Variants in UTRN observed in about 807,000 individuals in gnomAD.
UTRN encodes the protein utrophin, also known as dystrophin-related protein 1.
In UTRN, 283 loss-of-function variants were observed where a neutral mutation model predicts 463.9. The ratio of observed to expected loss-of-function variants is 0.61; its 90% CI spans 0.55 to 0.67. The LOEUF (loss-of-function observed/expected upper bound fraction) is 0.67. Among genes scored for constraint, UTRN ranks in the 30% least tolerant of loss-of-function variants. The pLI is 0.00. For synonymous variants in UTRN, 1,442 were observed against 1,431.5 expected (o/e 1.01, Z -0.17); for missense variants, 3,922 against 4,084.3 (o/e 0.96, Z 1.08).
chr6:144,499,650 A>T (rs1793996085), intron 34 of UTRN, among the ~76,000 whole-genome samples: 1 of 152,080 alleles, frequency 6.6e-6, no homozygotes. Flanking sequence ...GGGTACACAT[A>T]TAGGTTTGTT....
intron 51 of UTRN, among the ~76,000 whole-genome samples, chr6:144,644,327 A>C (rs574099178): frequency 6.6e-6 from 1 of 152,342 alleles, no homozygotes; most frequent in Admixed American, 6.5e-5. Flanking sequence ...AGAGCTTCAT[A>C]CATAGGTTCA....
Position 144,471,439 on chromosome 6 carries a change from G to A in UTRN, c.3067-2281G>A, listed in dbSNP as rs547166436. On this transcript the variant is annotated intron_variant, in intron 23 of 74. Coordinates refer to ENST00000367545, the MANE Select transcript of UTRN (RefSeq NM_007124.3). ...AATTTCCCAGTTATACAGCAGTAAT[G>A]CATTCTTTAAAAGTGCAGAATGGAG... Among the ~76,000 whole-genome samples the A allele has an allele frequency of 3.9e-5, 6 of 152,354 alleles. No individual in the cohort carries two copies. The South Asian group carries it at 1.2e-3, about 32-fold the overall frequency.
chr6:144,316,794 T>C (rs1300764043), intron 2 of UTRN, among the ~76,000 whole-genome samples: 1 of 152,246 alleles, frequency 6.6e-6, no homozygotes, highest in African/African-American at 2.4e-5. Flanking sequence ...CAGTGTTTCA[T>C]AGATGAGGAT....
chr6:144,480,001 G>A lies in UTRN; in HGVS notation c.3507+19G>A, dbSNP rs1275020081. The stretch of plus-strand genomic sequence containing the variant: ...GATGAAGGTGAGGCGGGGACGACCA[G>A]TGCCAACAGGCTTCATGCCTCCCTC... On this transcript the variant is annotated intron_variant, in intron 26 of 74. Coordinates refer to ENST00000367545, the MANE Select transcript of UTRN (RefSeq NM_007124.3). The A allele has an allele frequency of 3.1e-6, 5 of 1,608,648 alleles. No individual in the cohort carries two copies. The highest frequency in any genetic ancestry group is 1.3e-5 in the African/African-American group (1 of 74,716).
intron 46 of UTRN, 55 bp from the exon 47 acceptor site, chr6:144,548,585 C>A: frequency 6.5e-7 from 1 of 1,537,894 alleles, no homozygotes; most frequent in Non-Finnish European, 8.9e-7. Flanking sequence ...ATGACACCAC[C>A]ATAATTAAAA....
chr6:144,801,590 A>T (rs1777704069), intron 64 of UTRN, among the ~76,000 whole-genome samples: 1 of 152,152 alleles, frequency 6.6e-6, no homozygotes, highest in Admixed American at 6.5e-5. Context: ...TTTTTCACTA[A>T]TTACTTCCAA....
intron 2 of UTRN, among the ~76,000 whole-genome samples, chr6:144,310,180 T>G (rs953031521): frequency 4.6e-5 from 7 of 152,250 alleles, no homozygotes; most frequent in African/African-American, 1.7e-4. Flanking sequence ...GCAAATCACA[T>G]TTTTCATTGC....
intron 51 of UTRN, among the ~76,000 whole-genome samples, chr6:144,629,727 C>T (rs1407150713): frequency 2.6e-5 from 4 of 152,340 alleles, no homozygotes; most frequent in South Asian, 4.1e-4. Context: ...TGAGCTGAAA[C>T]TTTGCTTCTG....
At chr6:144,369,432 C>T (rs140233473) in intron 2 of UTRN, among the ~76,000 whole-genome samples, 1 of 152,300 alleles carries the variant, frequency 6.6e-6, no homozygotes, top group African/African-American at 2.4e-5. Context: ...TCCTGGCCAA[C>T]ATGGTAAAAC....
At chr6:144,638,883 A>C (rs1039701864) in intron 51 of UTRN, among the ~76,000 whole-genome samples, 1 of 151,904 alleles carries the variant, frequency 6.6e-6, no homozygotes, top group African/African-American at 2.4e-5. Context: ...GACCAGCATG[A>C]GCAACATAAC....
At chr6:144,714,529 T>G (rs1267200014) in intron 53 of UTRN, among the ~76,000 whole-genome samples, 1 of 152,242 alleles carries the variant, frequency 6.6e-6, no homozygotes, top group Admixed American at 6.5e-5. Flanking sequence ...ACAAGGTTTC[T>G]GCACTTGGCT....
intron 51 of UTRN, among the ~76,000 whole-genome samples, chr6:144,617,646 C>T (rs1014725426): frequency 1.3e-5 from 2 of 152,082 alleles, no homozygotes; most frequent in Admixed American, 1.3e-4. Flanking sequence ...TGAACTTGGC[C>T]CCTGTACTTC....
At chr6:144,722,177 C>T (rs564435606) in intron 53 of UTRN, among the ~76,000 whole-genome samples, 2 of 152,314 alleles carry the variant, frequency 1.3e-5, no homozygotes, top group East Asian at 1.9e-4. Context: ...CAATCACCCT[C>T]ATTCTTCACT....
At chr6:144,383,241 C>T (rs950101086) in intron 2 of UTRN, among the ~76,000 whole-genome samples, 55 of 152,310 alleles carry the variant, frequency 3.6e-4, no homozygotes, top group Non-Finnish European at 7.9e-4. Flanking sequence ...CCATTTCAGC[C>T]TGTTTAACAT....
intron 50 of UTRN, among the ~76,000 whole-genome samples, chr6:144,575,635 T>C (rs1801365865): frequency 6.6e-6 from 1 of 152,156 alleles, no homozygotes; most frequent in Admixed American, 6.5e-5. Flanking sequence ...TATTAGTTAT[T>C]ATCATCAATG....
chr6:144,701,420 T>C (rs998032170), intron 53 of UTRN, among the ~76,000 whole-genome samples: 1 of 152,210 alleles, frequency 6.6e-6, no homozygotes, highest in Non-Finnish European at 1.5e-5. Context: ...TACATTTTTA[T>C]ACTGCTCAAA....
At position 144,458,645 on chromosome 6, in the gene UTRN, G is replaced by A. The variant is rs76506467; in HGVS notation, c.2285-125G>A. ...AAATTTTTGTTGTTGTATTAAAAGGGACTTAAGAAAGTGATCATTATGTGT... is the reference window on the plus strand; with the variant it reads ...AAATTTTTGTTGTTGTATTAAAAGGAACTTAAGAAAGTGATCATTATGTGT... On this transcript the variant is annotated intron_variant, in intron 19 of 74. Coordinates refer to ENST00000367545, the MANE Select transcript of UTRN (RefSeq NM_007124.3). 812 of 1,148,674 alleles carry A rather than the reference G, an allele frequency of 7.1e-4. 9 individuals are homozygous for A. In the East Asian group the frequency reaches 8.9e-3, roughly 13 times the overall value. The allele number at this position is 1,148,674 out of a possible 1,614,324, so 71.2% of individuals were successfully genotyped here.
chr6:144,708,463 CT>C, intron 53 of UTRN: 1 of 596,604 alleles, frequency 1.7e-6, no homozygotes, highest in Non-Finnish European at 3.0e-6. Flanking sequence ...CCTCTGACTC[CT>C]CACGCCTTCA....
chr6:144,369,817 C>T (rs974653926), intron 2 of UTRN, among the ~76,000 whole-genome samples: 4 of 152,274 alleles, frequency 2.6e-5, no homozygotes, highest in East Asian at 1.9e-4. Context: ...ATTGAAGTCT[C>T]ATGAGATCTA....
Sources: allele counts gnomAD v4.1 joint callset (sites outside exome capture counted in the v4.1 genomes callset), GRCh38; gene constraint gnomAD v4.1.1; transcripts MANE v1.5; gene names NCBI Gene and HGNC (gene_info 2026-07-23, HGNC 2026-07-21).